Variants in LMX1A observed in about 807,000 individuals in gnomAD.
LMX1A encodes the protein LIM homeobox transcription factor 1 alpha.
In LMX1A, 15 loss-of-function variants were observed where a neutral mutation model predicts 49.1. That is an observed-to-expected ratio of 0.31 (90% CI 0.20 to 0.47). The LOEUF (loss-of-function observed/expected upper bound fraction) is 0.47. Among genes scored for constraint, LMX1A ranks in the 20% least tolerant of loss-of-function variants. LMX1A has a pLI of 1.00. For synonymous variants in LMX1A, 167 were observed against 185.7 expected (o/e 0.90, Z 0.82); for missense variants, 372 against 475.8 (o/e 0.78, Z 2.03).
rs373249090 is a variant in LMX1A, at chr1:165,295,592, G to A, written c.264-45952C>T. Among the ~76,000 whole-genome samples, 13 of 152,032 alleles carry A rather than the reference G, an allele frequency of 8.6e-5. No homozygotes were observed. The South Asian group carries it at 2.5e-3, about 29-fold the overall frequency. ...CCAAGGAAAAGGCATCTGTGTCAAA[G>A]CCACCTAACTGAAATCAAAGTACAT... On this transcript the variant is annotated intron_variant, in intron 3 of 8. Coordinates refer to ENST00000342310, the MANE Select transcript of LMX1A (RefSeq NM_177398.4).
intron 3 of LMX1A, among the ~76,000 whole-genome samples, chr1:165,316,356 G>C (rs1293599068): frequency 6.6e-6 from 1 of 152,208 alleles, no homozygotes; most frequent in Non-Finnish European, 1.5e-5. Context: ...CAGCGTTGCT[G>C]CTTCAGGGCC....
chr1:165,300,040 ACT>A (rs768894814), intron 3 of LMX1A, among the ~76,000 whole-genome samples: 39 of 151,814 alleles, frequency 2.6e-4, no homozygotes, highest in Admixed American at 3.9e-4. Context: ...GGATCAGGAG[ACT>A]CTTTCTCAGA....
At chr1:165,348,566 T>C (rs1656321590) in intron 3 of LMX1A, among the ~76,000 whole-genome samples, 1 of 152,190 alleles carries the variant, frequency 6.6e-6, no homozygotes, top group Non-Finnish European at 1.5e-5. Flanking sequence ...ATTCCTGAAA[T>C]TTTATTGTGC....
chr1:165,247,433 G>A (rs1652901208), intron 4 of LMX1A, among the ~76,000 whole-genome samples: 1 of 152,194 alleles, frequency 6.6e-6, no homozygotes. Flanking sequence ...TCTATACCAA[G>A]TGTATACCCA....
intron 3 of LMX1A, among the ~76,000 whole-genome samples, chr1:165,275,922 C>A (rs1325105257): frequency 6.6e-6 from 1 of 150,916 alleles, no homozygotes; most frequent in Non-Finnish European, 1.5e-5. Context: ...CACCAGCCAA[C>A]TCAGAGAATG....
At chr1:165,239,059 C>T (rs1328502449) in intron 4 of LMX1A, among the ~76,000 whole-genome samples, 1 of 89,298 alleles carries the variant, frequency 1.1e-5, no homozygotes, top group Non-Finnish European at 2.1e-5. Flanking sequence ...TCATTATCAT[C>T]ATCATCATGA....
chr1:165,247,975 A>G (rs1652917864), intron 4 of LMX1A, among the ~76,000 whole-genome samples: 1 of 152,270 alleles, frequency 6.6e-6, no homozygotes, highest in African/African-American at 2.4e-5. Context: ...TCAAGCACCC[A>G]GTGTCCCAGC....
At chr1:165,272,744 G>T (rs1653836651) in intron 3 of LMX1A, among the ~76,000 whole-genome samples, 1 of 152,118 alleles carries the variant, frequency 6.6e-6, no homozygotes, top group Admixed American at 6.5e-5. Flanking sequence ...GAGCAGTCAG[G>T]GTGGTTTGCT....
chr1:165,259,708 G>GGATCAGACAGAGCCTGAGACTTAGTCAAT, intron 3 of LMX1A, among the ~76,000 whole-genome samples: 1 of 152,158 alleles, frequency 6.6e-6, no homozygotes, highest in South Asian at 2.1e-4. Context: ...ATTGCTGAGA[G>GGATCAGACAGAGCCTGAGACTTAGTCAAT]GATCAGACAG....
intron 3 of LMX1A, among the ~76,000 whole-genome samples, chr1:165,325,737 C>T (rs1655558539): frequency 6.6e-6 from 1 of 152,136 alleles, no homozygotes; most frequent in African/African-American, 2.4e-5. Flanking sequence ...CAAACACCAG[C>T]AAGCCTCAGG....
At chr1:165,273,679 G>T (rs1419253115) in intron 3 of LMX1A, among the ~76,000 whole-genome samples, 1 of 152,126 alleles carries the variant, frequency 6.6e-6, no homozygotes, top group Non-Finnish European at 1.5e-5. Flanking sequence ...ACTGTATCAA[G>T]TTCCCCCATG....
intron 7 of LMX1A, among the ~76,000 whole-genome samples, chr1:165,207,790 C>T (rs1651152295): frequency 6.6e-6 from 1 of 152,128 alleles, no homozygotes; most frequent in Admixed American, 6.6e-5. Flanking sequence ...GCAAGCAGTC[C>T]CTGACGCTGT....
intron 3 of LMX1A, among the ~76,000 whole-genome samples, chr1:165,334,446 T>G (rs1369594050): frequency 6.6e-6 from 1 of 152,194 alleles, no homozygotes; most frequent in Non-Finnish European, 1.5e-5. Context: ...AACATTCCTT[T>G]GAGGTTGGTA....
intron 3 of LMX1A, among the ~76,000 whole-genome samples, chr1:165,317,042 A>G (rs2348250): frequency 0.87 from 132,879 of 152,208 alleles, 58,483 homozygotes; most frequent in East Asian, 0.94. Context: ...AGAAGAAAGT[A>G]AACTCTCCTT....
chr1:165,293,460 G>A (rs1654534622), intron 3 of LMX1A, among the ~76,000 whole-genome samples: 1 of 152,224 alleles, frequency 6.6e-6, no homozygotes, highest in South Asian at 2.1e-4. Context: ...TGGGCTACAA[G>A]ATTATTAAGA....
intron 3 of LMX1A, among the ~76,000 whole-genome samples, chr1:165,312,798 G>A (rs1235976167): frequency 6.6e-6 from 1 of 152,184 alleles, no homozygotes; most frequent in Non-Finnish European, 1.5e-5. Flanking sequence ...AACCATCCTT[G>A]CTGAGCCCTA....
chr1:165,280,699 A>G (rs981941891), intron 3 of LMX1A, among the ~76,000 whole-genome samples: 35 of 152,186 alleles, frequency 2.3e-4, no homozygotes, highest in African/African-American at 7.2e-4. Flanking sequence ...CTGCTTTTCT[A>G]TTGCATAGGG....
chr1:165,324,485 G>A (rs1002750572), intron 3 of LMX1A, among the ~76,000 whole-genome samples: 5 of 152,114 alleles, frequency 3.3e-5, no homozygotes, highest in East Asian at 1.9e-4. Context: ...TGAATACATC[G>A]AGACCCAGAG....
chr1:165,252,600 C>G (rs895332307), intron 3 of LMX1A, among the ~76,000 whole-genome samples: 2 of 152,076 alleles, frequency 1.3e-5, no homozygotes, highest in African/African-American at 4.8e-5. Flanking sequence ...AAAATACTTT[C>G]AAAAACACTC....
Sources: gnomAD v4.1 joint callset for allele counts (sites outside exome capture counted in the v4.1 genomes callset) on GRCh38, gnomAD v4.1.1 for gene constraint, MANE v1.5 for transcripts, NCBI Gene and HGNC (gene_info 2026-07-23, HGNC 2026-07-21) for gene names.